Variants in GABRB2 observed in about 807,000 individuals in gnomAD.
GABRB2 encodes the protein gamma-aminobutyric acid type A receptor subunit beta2.
Under a neutral mutation model 54.7 loss-of-function variants are expected in GABRB2, and 16 were observed. That is an observed-to-expected ratio of 0.29 (90% CI 0.20 to 0.44). The LOEUF (loss-of-function observed/expected upper bound fraction) is 0.44. Among genes scored for constraint, GABRB2 ranks in the 20% least tolerant of loss-of-function variants. The pLI is 1.00. For missense variants in GABRB2, 355 were observed against 644.0 expected (o/e 0.55, Z 4.86); for synonymous variants, 244 against 233.8 (o/e 1.04, Z -0.40).
At chr5:161,370,795 A>G (rs373501241) in intron 5 of GABRB2, among the ~76,000 whole-genome samples, 7 of 152,170 alleles carry the variant, frequency 4.6e-5, no homozygotes, top group African/African-American at 1.7e-4. Context: ...GGAAAATTTA[A>G]CATGGAAGAG....
chr5:161,344,720 T>C (rs1754267622), intron 5 of GABRB2, among the ~76,000 whole-genome samples: 1 of 152,076 alleles, frequency 6.6e-6, no homozygotes, highest in Non-Finnish European at 1.5e-5. Flanking sequence ...TTATTAATCA[T>C]TCTACTATAA....
chr5:161,423,556 T>C (rs983206399), intron 4 of GABRB2, among the ~76,000 whole-genome samples: 3 of 152,204 alleles, frequency 2.0e-5, no homozygotes, highest in Admixed American at 1.3e-4. Flanking sequence ...TGTAATTGTT[T>C]TGGGGAGCCA....
At chr5:161,404,297 T>C (rs2113091881) in intron 5 of GABRB2, among the ~76,000 whole-genome samples, 1 of 152,250 alleles carries the variant, frequency 6.6e-6, no homozygotes, top group Non-Finnish European at 1.5e-5. Flanking sequence ...AGGACAGTGA[T>C]GCAAATTAAA....
intron 9 of GABRB2, among the ~76,000 whole-genome samples, chr5:161,296,530 C>A (rs1757385324): frequency 6.6e-6 from 1 of 152,038 alleles, no homozygotes; most frequent in Non-Finnish European, 1.5e-5. Flanking sequence ...GGGAAATTTG[C>A]CTAAAGCTTA....
At chr5:161,491,601 T>C (rs1396281661) in intron 3 of GABRB2, among the ~76,000 whole-genome samples, 4 of 151,620 alleles carry the variant, frequency 2.6e-5, no homozygotes, top group Admixed American at 1.3e-4. Flanking sequence ...TTTTATTCAT[T>C]TGGGGAGGTG....
chr5:161,401,412 G>C lies in GABRB2; in HGVS notation c.541+9563C>G, dbSNP rs149571095. ...GAATGCGTAGAATATTATCTACCAA[G>C]AGATGAATACATTCAGGGCAGGATT... is the stretch of plus-strand genomic sequence containing the variant. On this transcript the variant is annotated intron_variant, in intron 5 of 9. Transcript: ENST00000393959. Among the ~76,000 whole-genome samples the C allele has an allele frequency of 4.7e-4, 72 of 152,238 alleles. 1 individual carries two copies. The East Asian group carries it at 0.012, about 25-fold the overall frequency.
chr5:161,418,326 G>A (rs1334166126), intron 4 of GABRB2, among the ~76,000 whole-genome samples: 3 of 151,918 alleles, frequency 2.0e-5, no homozygotes, highest in Non-Finnish European at 2.9e-5. Context: ...CATTCCTGGC[G>A]GTCTCATCTA....
intron 3 of GABRB2, among the ~76,000 whole-genome samples, chr5:161,492,644 ACATATTTGGTCATAAATT>A (rs1759117784): frequency 6.6e-6 from 1 of 151,594 alleles, no homozygotes; most frequent in Non-Finnish European, 1.5e-5. Context: ...AGTAACAAAG[ACATATTTGGTCATAAATT>A]CTAATAATGA....
intron 5 of GABRB2, among the ~76,000 whole-genome samples, chr5:161,383,724 C>G (rs1353786519): frequency 6.6e-6 from 1 of 152,198 alleles, no homozygotes; most frequent in Admixed American, 6.5e-5. Context: ...ATCCAACCCT[C>G]TTCCCCCACC....
At chr5:161,302,062 T>A (rs905916156) in intron 9 of GABRB2, among the ~76,000 whole-genome samples, 3 of 152,216 alleles carry the variant, frequency 2.0e-5, no homozygotes, top group Non-Finnish European at 1.5e-5. Context: ...CAGAGCCTTC[T>A]CCAGATGATC....
In GABRB2 at chr5:161,390,882, C is replaced by T. The variant is rs976940996; in HGVS notation, c.541+20093G>A. 2.7e-4 allele frequency among the ~76,000 whole-genome samples: 41 copies of T among 151,908 alleles called. 1 individual carries two copies. Among genetic ancestry groups the T allele is most frequent in the African/African-American group, 6.8e-4 (28 of 41,338 alleles). On this transcript the variant is annotated intron_variant, in intron 5 of 9. Transcript: ENST00000393959. The stretch of plus-strand genomic sequence containing the variant: ...TTCTAAACCAGTAAGCCAAGTAAAA[C>T]GGTTAAACATATTATATCTACACTT...
chr5:161,474,418 C>T (rs1203041193), intron 3 of GABRB2, among the ~76,000 whole-genome samples: 1 of 151,862 alleles, frequency 6.6e-6, no homozygotes, highest in Non-Finnish European at 1.5e-5. Context: ...CCATACAGTG[C>T]GGGGCCTAAT....
rs753777522 is a variant in GABRB2, at chr5:161,326,386, G to A, written c.1173C>T (p.Tyr391=). The part of the protein sequence containing the change: ...NLSPTRRTTN[Y]DFSLYTMDPH... ...ATCTAACCGTATACAGAGAGAAATCGTAATTGGTAGTCCGTCTAGTTGGGG... is the reference window on the plus strand; with the variant it reads ...ATCTAACCGTATACAGAGAGAAATCATAATTGGTAGTCCGTCTAGTTGGGG... The change falls in exon 9 of 10, where the codon TAC becomes TAT. Residue 391 remains tyrosine (Y), a synonymous_variant. Transcript: ENST00000393959. 10 of 1,613,570 alleles carry A rather than the reference G, an allele frequency of 6.2e-6. No homozygotes were observed. In the South Asian group the frequency reaches 6.6e-5, roughly 11 times the overall value.
chr5:161,512,142 A>G (rs1759791244), intron 3 of GABRB2, among the ~76,000 whole-genome samples: 1 of 152,016 alleles, frequency 6.6e-6, no homozygotes, highest in African/African-American at 2.4e-5. Context: ...AAATCAATCT[A>G]CTTAAAATGG....
chr5:161,442,177 T>A (rs1757485725), intron 4 of GABRB2, among the ~76,000 whole-genome samples: 1 of 152,150 alleles, frequency 6.6e-6, no homozygotes, highest in Non-Finnish European at 1.5e-5. Flanking sequence ...TTACTTCACA[T>A]TTCATGCCTC....
At chr5:161,451,261 G>C (rs758309343) in intron 4 of GABRB2, among the ~76,000 whole-genome samples, 1 of 152,190 alleles carries the variant, frequency 6.6e-6, no homozygotes, top group Non-Finnish European at 1.5e-5. Context: ...CTTTCTTTAA[G>C]AATGTGAGCA....
At chr5:161,306,257 G>T (rs191086398) in intron 9 of GABRB2, among the ~76,000 whole-genome samples, 16 of 152,306 alleles carry the variant, frequency 1.1e-4, no homozygotes, top group Middle Eastern at 3.4e-3. Flanking sequence ...GCCAAGGTTT[G>T]GTTTCTGTCG....
chr5:161,373,764 T>C (rs1580927953), intron 5 of GABRB2, among the ~76,000 whole-genome samples: 2 of 152,184 alleles, frequency 1.3e-5, no homozygotes, highest in East Asian at 3.8e-4. Context: ...TCCTCCTTTA[T>C]GGTCCAACTC....
intron 3 of GABRB2, among the ~76,000 whole-genome samples, chr5:161,481,025 TA>T (rs2113326340): frequency 6.6e-6 from 1 of 152,188 alleles, no homozygotes; most frequent in South Asian, 2.1e-4. Flanking sequence ...ATATGAACAC[TA>T]TATAAATATT....
Sources: allele counts gnomAD v4.1 joint callset (sites outside exome capture counted in the v4.1 genomes callset), GRCh38; gene constraint gnomAD v4.1.1; transcripts MANE v1.5; gene names NCBI Gene and HGNC (gene_info 2026-07-23, HGNC 2026-07-21).